CLVS2: variants seen among roughly 807,000 people sequenced by gnomAD.
CLVS2 encodes the protein clavesin 2.
Under a neutral mutation model 29.0 loss-of-function variants are expected in CLVS2, and 19 were observed. The ratio of observed to expected loss-of-function variants is 0.66; its 90% CI spans 0.46 to 0.96. CLVS2 has a LOEUF of 0.96. Among genes scored for constraint, CLVS2 ranks in the 40% least tolerant of loss-of-function variants. The pLI, the probability that CLVS2 is intolerant of heterozygous loss-of-function variation, is 0.00. For missense variants in CLVS2, 294 were observed against 404.1 expected, an observed-to-expected ratio of 0.73 and a Z score of 2.34; for synonymous variants, 161 against 151.3, an observed-to-expected ratio of 1.06 and a Z score of -0.47.
Position 123,011,114 on chromosome 6 carries a change from T to A in CLVS2, c.519T>A (p.Ser173=). 6.2e-7 allele frequency: 1 copy of A among 1,611,188 alleles called. No individual in the cohort carries two copies. The change falls in exon 3 of 6, where the codon TCT becomes TCA. Residue 173 remains serine (S), a synonymous_variant. Coordinates refer to ENST00000275162, the MANE Select transcript of CLVS2 (RefSeq NM_001010852.4). ...DWSNFTFKQA[S]KLTPSMLRLA... is the part of the protein sequence containing the mutation. ...GTAACTTCACTTTCAAGCAAGCCTC[T>A]AAACTCACACCAAGTATGCTGCGAT...
chr6:123,021,601 A>C (rs1274794476), intron 3 of CLVS2, among the ~76,000 whole-genome samples: 1 of 152,000 alleles, frequency 6.6e-6, no homozygotes. Context: ...GTTTATATGC[A>C]GTTGTAAGTA....
chr6:123,042,327 A>G (rs1048282285), intron 3 of CLVS2, among the ~76,000 whole-genome samples: 8 of 152,214 alleles, frequency 5.3e-5, no homozygotes, highest in Middle Eastern at 3.4e-3. Context: ...GTAAGAAAAA[A>G]TATTATTTAT....
At chr6:123,055,446 C>T (rs529851575) in intron 4 of CLVS2, among the ~76,000 whole-genome samples, 2 of 152,306 alleles carry the variant, frequency 1.3e-5, no homozygotes, top group East Asian at 3.9e-4. Flanking sequence ...TTATACACAT[C>T]ATCAAGTTTG....
At chr6:123,000,094 T>C (rs1774570123) in intron 2 of CLVS2, among the ~76,000 whole-genome samples, 1 of 152,214 alleles carries the variant, frequency 6.6e-6, no homozygotes, top group South Asian at 2.1e-4. Flanking sequence ...TCATTAAACT[T>C]ACACATAATC....
chr6:123,015,321 T>C (rs1224326371), intron 3 of CLVS2, among the ~76,000 whole-genome samples: 1 of 152,060 alleles, frequency 6.6e-6, no homozygotes, highest in Non-Finnish European at 1.5e-5. Flanking sequence ...TTCTCTGATT[T>C]GGAAACATCC....
At chr6:123,016,412 G>T (rs974497161) in intron 3 of CLVS2, among the ~76,000 whole-genome samples, 1 of 151,416 alleles carries the variant, frequency 6.6e-6, no homozygotes. Flanking sequence ...GAGAAACTTG[G>T]ACTTTTTTAT....
At chr6:123,007,695 T>C (rs980503034) in intron 2 of CLVS2, among the ~76,000 whole-genome samples, 1 of 152,166 alleles carries the variant, frequency 6.6e-6, no homozygotes, top group African/African-American at 2.4e-5. Flanking sequence ...CTTATTGGTG[T>C]CATGATTTCT....
intron 3 of CLVS2, among the ~76,000 whole-genome samples, chr6:123,021,444 A>AG: frequency 6.6e-6 from 1 of 150,740 alleles, no homozygotes; most frequent in South Asian, 2.1e-4. Flanking sequence ...AAAAATTATT[A>AG]TTTTTTCCTC....
At chr6:123,031,978 C>T (rs1033254289) in intron 3 of CLVS2, among the ~76,000 whole-genome samples, 2 of 152,014 alleles carry the variant, frequency 1.3e-5, no homozygotes, top group Non-Finnish European at 2.9e-5. Context: ...TTATAGTTAA[C>T]TTTTCTTAAC....
chr6:123,020,651 C>T (rs1774907033), intron 3 of CLVS2, among the ~76,000 whole-genome samples: 1 of 152,030 alleles, frequency 6.6e-6, no homozygotes, highest in Non-Finnish European at 1.5e-5. Flanking sequence ...CAAGATTTAT[C>T]AAGTACTTTA....
intron 2 of CLVS2, among the ~76,000 whole-genome samples, chr6:123,009,847 A>G (rs1488086492): frequency 6.6e-6 from 1 of 152,028 alleles, no homozygotes; most frequent in Non-Finnish European, 1.5e-5. Flanking sequence ...TGACTGCATT[A>G]CCTCCTTCAC....
intron 3 of CLVS2, among the ~76,000 whole-genome samples, chr6:123,032,912 T>G (rs1775102910): frequency 6.6e-6 from 1 of 152,148 alleles, no homozygotes; most frequent in South Asian, 2.1e-4. Flanking sequence ...ATTATGGGTA[T>G]TCTATAAATC....
intron 3 of CLVS2, among the ~76,000 whole-genome samples, chr6:123,037,945 C>T (rs912881305): frequency 6.6e-6 from 1 of 152,148 alleles, no homozygotes; most frequent in Admixed American, 6.6e-5. Context: ...ATACCCAGTG[C>T]CTTTAAGATA....
chr6:123,056,086 C>A, intron 5 of CLVS2, 60 bp downstream of exon 5: 1 of 1,127,170 alleles, frequency 8.9e-7, no homozygotes, highest in South Asian at 1.3e-5. Flanking sequence ...CATCCTGAGT[C>A]AAACTCAAAG....
intron 3 of CLVS2, among the ~76,000 whole-genome samples, chr6:123,039,868 T>C (rs1349807152): frequency 6.6e-6 from 1 of 152,208 alleles, no homozygotes; most frequent in Admixed American, 6.5e-5. Flanking sequence ...AAACTCCCTC[T>C]TTCAAGGGAG....
intron 3 of CLVS2, among the ~76,000 whole-genome samples, chr6:123,025,813 T>A (rs1409959554): frequency 6.6e-6 from 1 of 152,146 alleles, no homozygotes; most frequent in Non-Finnish European, 1.5e-5. Context: ...TTTCCTCTGT[T>A]GTAACTGCAT....
intron 2 of CLVS2, among the ~76,000 whole-genome samples, chr6:123,001,337 G>A (rs1407070370): frequency 2.6e-5 from 4 of 152,076 alleles, no homozygotes; most frequent in African/African-American, 7.2e-5. Context: ...GAGAGACATG[G>A]CATCATTAAG....
intron 3 of CLVS2, among the ~76,000 whole-genome samples, chr6:123,016,072 G>GCAAA (rs1186360007): frequency 1.5e-5 from 2 of 130,194 alleles, no homozygotes; most frequent in African/African-American, 5.8e-5. Context: ...ATTCAGGGTG[G>GCAAA]CAAACAGAAA....
At position 123,059,892 on chromosome 6, in the gene CLVS2, G is replaced by A. The variant is rs141321686; in HGVS notation, c.897-3782G>A. 2.6e-3 allele frequency among the ~76,000 whole-genome samples: 396 copies of A among 152,254 alleles called. 1 individual carries two copies. The highest frequency in any genetic ancestry group is 8.7e-3 in the African/African-American group (363 of 41,552). On this transcript the variant is annotated intron_variant, in intron 5 of 5. Transcript: ENST00000275162. ...TGCTTGTAGCCCATTAGTGGCCCCA[G>A]TCCTGAGTTTCCTGCTGGTGTCATG...
Sources: gnomAD v4.1 joint callset for allele counts (sites outside exome capture counted in the v4.1 genomes callset) on GRCh38, gnomAD v4.1.1 for gene constraint, MANE v1.5 for transcripts, NCBI Gene and HGNC (gene_info 2026-07-23, HGNC 2026-07-21) for gene names.